The following TGS1 variants were observed in gnomAD, a reference collection of about 807,000 sequenced individuals.
TGS1 encodes the protein trimethylguanosine synthase 1, also known as trimethylguanosine synthase.
TGS1 carries 69 observed loss-of-function variants against 92.2 expected under a neutral mutation model. The ratio of observed to expected loss-of-function variants is 0.75; its 90% confidence interval spans 0.62 to 0.91. The LOEUF (loss-of-function observed/expected upper bound fraction) is 0.91. Among genes scored for constraint, TGS1 ranks in the 40% least tolerant of loss-of-function variants. The pLI, the probability that TGS1 is intolerant of heterozygous loss-of-function variation, is 0.00. For missense variants in TGS1, 1,062 were observed against 1,001.2 expected, an observed-to-expected ratio of 1.06 and a Z score of -0.82; for synonymous variants, 345 against 338.1, an observed-to-expected ratio of 1.02 and a Z score of -0.22.
rs140414907 is a variant in TGS1 at position 55,809,128 on chromosome 8, C to T, written c.2144-1753C>T. ...GTGTATTTATACATTTACATATATA[C>T]GCAACATACATACAAAAAGATGGCA... On this transcript the variant is annotated intron_variant, in intron 10 of 12. Coordinates refer to ENST00000260129, the MANE Select transcript of TGS1 (RefSeq NM_024831.8). 5.4e-3 allele frequency among the ~76,000 whole-genome samples: 818 copies of T among 152,214 alleles called. 8 individuals carry two copies. Among genetic ancestry groups the T allele is most frequent in the South Asian group, 0.031 (151 of 4,826 alleles).
rs1812033056 is a variant in TGS1 at position 55,795,985 on chromosome 8, G to A, written c.1375G>A (p.Gly459Arg). ...TCTTTTGATCTGTCACAGATATGGT[G>A]GAATCCCAAATTTCAGTCATCGGCA... ...FKYGSGQKYG[G>R]IPNFSHRQVR... The change falls in exon 7 of 13, where the codon GGA becomes AGA. Residue 459 changes from glycine (G) to arginine (R), a missense_variant. Gly to Arg is a moderately radical substitution (Grantham distance 125, BLOSUM62 -2). Transcript: ENST00000260129. 1 of 1,612,534 alleles carries A rather than the reference G, an allele frequency of 6.2e-7. No homozygotes were observed.
chr8:55,822,940 C>T (rs1291709786), intron 12 of TGS1, among the ~76,000 whole-genome samples: 1 of 152,192 alleles, frequency 6.6e-6, no homozygotes, highest in African/African-American at 2.4e-5. Context: ...CTGACTGCCT[C>T]TCTTTACAAA....
At chr8:55,796,324 A>G (rs2130169229) in intron 7 of TGS1, among the ~76,000 whole-genome samples, 172 bp downstream of exon 7, 1 of 152,184 alleles carries the variant, frequency 6.6e-6, no homozygotes, top group African/African-American at 2.4e-5. Flanking sequence ...CTAAATCTGA[A>G]AAAAGGCAAG....
rs532000644 is a variant in TGS1 at position 55,821,161 on chromosome 8, G to C, written c.2440-3420G>C. Among the ~76,000 whole-genome samples, 4 of 152,100 alleles carry C rather than the reference G, an allele frequency of 2.6e-5. No homozygotes were observed. In the South Asian group the frequency reaches 8.3e-4, roughly 31 times the overall value. ...CATGTTAAGTTTTTAAAAAAAAATTGTTTCTAAACACTAAGTACATAAGAG... is the reference window on the plus strand; with the variant it reads ...CATGTTAAGTTTTTAAAAAAAAATTCTTTCTAAACACTAAGTACATAAGAG... On this transcript the variant is annotated intron_variant, in intron 12 of 12. Coordinates refer to ENST00000260129, the MANE Select transcript of TGS1 (RefSeq NM_024831.8).
At chr8:55,812,657 C>T (rs763018879) in intron 11 of TGS1, among the ~76,000 whole-genome samples, 7 of 152,046 alleles carry the variant, frequency 4.6e-5, no homozygotes, top group Admixed American at 6.6e-5. Context: ...GCACTCCAGC[C>T]TGGGCAGCAG....
chr8:55,821,805 A>G (rs1251581800), intron 12 of TGS1, among the ~76,000 whole-genome samples: 1 of 151,900 alleles, frequency 6.6e-6, no homozygotes, highest in Non-Finnish European at 1.5e-5. Context: ...CCCAGGAGGC[A>G]GAGCTTGCAG....
intron 2 of TGS1, among the ~76,000 whole-genome samples, chr8:55,784,260 T>C (rs1398641686): frequency 6.6e-6 from 1 of 152,206 alleles, no homozygotes; most frequent in East Asian, 1.9e-4. Flanking sequence ...ACCATATTGG[T>C]GTAAAGTAAA....
At chr8:55,776,709 A>C (rs1266754411) in intron 1 of TGS1, among the ~76,000 whole-genome samples, 2 of 152,078 alleles carry the variant, frequency 1.3e-5, no homozygotes, top group African/African-American at 4.8e-5. Context: ...CTTTCTTTGG[A>C]GGCAGAAATT....
chr8:55,799,192 G>A lies in TGS1; in HGVS notation c.1821G>A (p.Val607=). 1.2e-6 allele frequency: 2 copies of A among 1,612,062 alleles called. No homozygotes were observed. The highest frequency in any genetic ancestry group is 1.7e-6 in the Non-Finnish European group (2 of 1,179,102). ...AGCAGGATTGTGTTACTCAAGAAGTGCCAGACTCCCGCCAGGCAGAAACTG... is the reference window on the plus strand; with the variant it reads ...AGCAGGATTGTGTTACTCAAGAAGTACCAGACTCCCGCCAGGCAGAAACTG... The part of the protein sequence containing the change: ...PDEQDCVTQE[V]PDSRQAETEA... Residue 607 remains valine (V), a synonymous_variant, in exon 8 of 13, where the codon GTG becomes GTA. Coordinates refer to ENST00000260129, the MANE Select transcript of TGS1 (RefSeq NM_024831.8).
chr8:55,775,386 G>T (rs1393566524), intron 1 of TGS1, among the ~76,000 whole-genome samples: 2 of 152,208 alleles, frequency 1.3e-5, no homozygotes, highest in Non-Finnish European at 1.5e-5. Context: ...GATCAGATTT[G>T]CATATTTAAA....
At chr8:55,780,610 C>G (rs1250214081) in intron 1 of TGS1, among the ~76,000 whole-genome samples, 2 of 152,132 alleles carry the variant, frequency 1.3e-5, no homozygotes, top group East Asian at 3.8e-4. Flanking sequence ...TATCAGTATC[C>G]TGTTTTCCAG....
intron 4 of TGS1, 36 bp from the exon 5 acceptor site, chr8:55,790,146 G>T: frequency 6.6e-7 from 1 of 1,522,234 alleles, no homozygotes; most frequent in South Asian, 1.1e-5. Flanking sequence ...GTCAAACCAA[G>T]GGGGAAAAGC....
chr8:55,822,675 T>C (rs1001501515), intron 12 of TGS1, among the ~76,000 whole-genome samples: 1 of 152,020 alleles, frequency 6.6e-6, no homozygotes, highest in Non-Finnish European at 1.5e-5. Flanking sequence ...AAATTTCTAG[T>C]TTTACTTTAA....
chr8:55,808,848 T>G (rs973671449), intron 10 of TGS1, among the ~76,000 whole-genome samples: 4 of 152,072 alleles, frequency 2.6e-5, no homozygotes, highest in African/African-American at 4.8e-5. Flanking sequence ...AAACCAGAAG[T>G]GGTAATTCAC....
At chr8:55,803,744 AGTACAGTGG>A (rs1307379530) in intron 9 of TGS1, among the ~76,000 whole-genome samples, 2 of 147,530 alleles carry the variant, frequency 1.4e-5, no homozygotes, top group African/African-American at 5.0e-5. Flanking sequence ...CCCACGCTGG[AGTACAGTGG>A]CACAATCTTG....
At chr8:55,798,795 C>CT in intron 7 of TGS1, 119 bp from the exon 8 acceptor site, 1 of 773,296 alleles carries the variant, frequency 1.3e-6, no homozygotes, top group Non-Finnish European at 2.0e-6. Context: ...ATGCAGTCTG[C>CT]TTTTCAGAGC....
chr8:55,798,562 T>G (rs2130176450), intron 7 of TGS1, among the ~76,000 whole-genome samples: 1 of 152,342 alleles, frequency 6.6e-6, no homozygotes, highest in Admixed American at 6.5e-5. Context: ...GATTCAGTAG[T>G]AAGTAGGTAC....
At chr8:55,797,165 G>A (rs1041972432) in intron 7 of TGS1, among the ~76,000 whole-genome samples, 1 of 152,116 alleles carries the variant, frequency 6.6e-6, no homozygotes, top group African/African-American at 2.4e-5. Flanking sequence ...CTGCAGGGCT[G>A]GGGAGGCCTC....
At chr8:55,790,386 T>G in intron 5 of TGS1, 87 bp downstream of exon 5, 1 of 829,778 alleles carries the variant, frequency 1.2e-6, no homozygotes, top group Non-Finnish European at 2.0e-6. Context: ...GATTGTTATG[T>G]TCACAACACC....
Sources: allele counts gnomAD v4.1 joint callset (sites outside exome capture counted in the v4.1 genomes callset), GRCh38; gene constraint gnomAD v4.1.1; transcripts MANE v1.5; gene names NCBI Gene and HGNC (gene_info 2026-07-23, HGNC 2026-07-21).